The following ARHGEF6 variants were observed in gnomAD, a reference collection of about 807,000 sequenced individuals.
ARHGEF6 encodes rho guanine nucleotide exchange factor 6.
Under a neutral mutation model 70.3 loss-of-function variants are expected in ARHGEF6, and 9 were observed. The observed-to-expected ratio is 0.13, with a 90% CI of 0.08 to 0.22. The LOEUF is 0.22. Ranked by LOEUF, ARHGEF6 falls within the 10% of genes least tolerant of loss-of-function variation. ARHGEF6 has a pLI of 1.00. For missense variants in ARHGEF6, 470 were observed against 563.0 expected (o/e 0.83, Z 1.67); for synonymous variants, 201 against 207.8 (o/e 0.97, Z 0.28).
At chrX:136,715,449 T>C (rs1380923956) in intron 6 of ARHGEF6, among the ~76,000 whole-genome samples, 2 of 111,269 alleles carry the variant, frequency 1.8e-5, no homozygotes, top group Non-Finnish European at 3.8e-5. Flanking sequence ...CATTACTCCA[T>C]CCTAACAGGA....
intron 6 of ARHGEF6, among the ~76,000 whole-genome samples, chrX:136,729,028 C>G (rs1314840662): frequency 3.3e-5 from 3 of 91,942 alleles, no homozygotes; most frequent in African/African-American, 1.2e-4. Flanking sequence ...CTCTCTCTCT[C>G]TCTCTCTCTC....
At chrX:136,774,644 C>A (rs2077388945) in intron 2 of ARHGEF6, among the ~76,000 whole-genome samples, 3 of 59,295 alleles carry the variant, frequency 5.1e-5, no homozygotes, top group African/African-American at 7.6e-5. Context: ...GAGCAAAACT[C>A]TGTCTCAAAA....
intron 6 of ARHGEF6, among the ~76,000 whole-genome samples, chrX:136,720,827 C>T (rs2076788999): frequency 8.9e-6 from 1 of 111,943 alleles, no homozygotes; most frequent in South Asian, 3.7e-4. Context: ...AGTCAATACA[C>T]AAATGTCAAT....
At chrX:136,706,189 G>C (rs1334139473) in intron 9 of ARHGEF6, among the ~76,000 whole-genome samples, 2 of 111,909 alleles carry the variant, frequency 1.8e-5, no homozygotes, top group Non-Finnish European at 3.8e-5. Flanking sequence ...AGGATGGCAG[G>C]AGAGGTGTAA....
intron 11 of ARHGEF6, among the ~76,000 whole-genome samples, chrX:136,686,690 AT>A (rs1400453263): frequency 1.9e-5 from 1 of 53,160 alleles, no homozygotes; most frequent in African/African-American, 7.8e-5. Context: ...ACATATATAT[AT>A]ATACACATAT....
chrX:136,682,742 T>C lies in ARHGEF6; in HGVS notation c.1479+16A>G. On this transcript the variant is annotated intron_variant, in intron 13 of 21. Coordinates refer to ENST00000250617, the MANE Select transcript of ARHGEF6 (RefSeq NM_004840.3). Reference sequence around the variant, plus strand: ...GTTAGGGGGTCTGCTATGTGTTTTATATGAAATTTACTAACCTGATAGATA... The same window carrying C: ...GTTAGGGGGTCTGCTATGTGTTTTACATGAAATTTACTAACCTGATAGATA... 8.4e-7 allele frequency: 1 copy of C among 1,189,253 alleles called. No individual in the cohort carries two copies. Among genetic ancestry groups the C allele is most frequent in the Non-Finnish European group, 1.1e-6 (1 of 875,029 alleles).
At chrX:136,695,658 G>A (rs1440047268) in intron 9 of ARHGEF6, among the ~76,000 whole-genome samples, 1 of 112,239 alleles carries the variant, frequency 8.9e-6, no homozygotes, top group Non-Finnish European at 1.9e-5. Flanking sequence ...TAAGGAATTT[G>A]CCCTTATATT....
intron 3 of ARHGEF6, among the ~76,000 whole-genome samples, chrX:136,746,544 T>C (rs535232793): frequency 8.9e-6 from 1 of 111,845 alleles, no homozygotes; most frequent in Middle Eastern, 4.6e-3. Context: ...CGTGGGTAAG[T>C]TGAGTCTCCT....
At chrX:136,772,135 T>G in intron 2 of ARHGEF6, among the ~76,000 whole-genome samples, 1 of 112,376 alleles carries the variant, frequency 8.9e-6, no homozygotes, top group Admixed American at 9.4e-5. Flanking sequence ...GAGATCATTA[T>G]GTTAAGTGAA....
chrX:136,715,810 G>C (rs756890329), intron 6 of ARHGEF6, among the ~76,000 whole-genome samples: 1 of 112,134 alleles, frequency 8.9e-6, no homozygotes, highest in South Asian at 3.7e-4. Context: ...TTCAGGCAGA[G>C]GGAGGGAAAA....
At chrX:136,767,704 G>T (rs758832461) in intron 2 of ARHGEF6, 5 of 753,193 alleles carry the variant, frequency 6.6e-6, no homozygotes, top group South Asian at 6.8e-5. Flanking sequence ...TACCCGCGCC[G>T]GTCCCCTCCT....
chrX:136,708,383 A>G (rs1362371372), intron 8 of ARHGEF6, among the ~76,000 whole-genome samples: 1 of 100,969 alleles, frequency 9.9e-6, no homozygotes, highest in African/African-American at 3.8e-5. Flanking sequence ...AGGAACATTA[A>G]AAAAAAAAAA....
chrX:136,701,707 T>A (rs1026515349), intron 9 of ARHGEF6, among the ~76,000 whole-genome samples: 1 of 80,404 alleles, frequency 1.2e-5, no homozygotes, highest in Non-Finnish European at 2.7e-5. Context: ...TTTTTCTTTT[T>A]TTTTTTTTTT....
chrX:136,667,583 G>A lies in ARHGEF6; in HGVS notation c.*446C>T. On this transcript the variant is annotated 3_prime_UTR_variant, in exon 22 of 22. Coordinates refer to ENST00000250617, the MANE Select transcript of ARHGEF6 (RefSeq NM_004840.3). Reference sequence around the variant, plus strand: ...CAGGAAAGCCCTGGGGAAAAGTTGGGTTCACATTTAATAAGCCTTGGCCAG... The same window carrying A: ...CAGGAAAGCCCTGGGGAAAAGTTGGATTCACATTTAATAAGCCTTGGCCAG... The A allele has an allele frequency of 6.6e-6, 1 of 150,560 alleles. No individual in the cohort carries two copies. The highest frequency in any genetic ancestry group is 1.3e-5 in the Non-Finnish European group (1 of 77,188). 12.4% of individuals were successfully genotyped at this position (150,560 alleles called of 1,213,427 possible). A position where few individuals can be genotyped will look rare whatever the true frequency, so the allele number is the denominator to read the frequency against.
intron 5 of ARHGEF6, among the ~76,000 whole-genome samples, chrX:136,734,348 G>A (rs1178968375): frequency 9.0e-6 from 1 of 111,115 alleles, no homozygotes. Flanking sequence ...GATATAAAAA[G>A]GATAATAATG....
At position 136,726,060 on chromosome X, in the gene ARHGEF6, A is replaced by G. The variant is rs150224950; in HGVS notation, c.732+6042T>C. Among the ~76,000 whole-genome samples the G allele has an allele frequency of 6.2e-4, 70 of 112,270 alleles. No individual in the cohort carries two copies. The East Asian group carries it at 0.018, about 28-fold the overall frequency. ...ACAGAGATATCTCCAATGATAAAGG[A>G]GACTATAATGGTCTCAGGAAACCTT... On this transcript the variant is annotated intron_variant, in intron 6 of 21. Transcript: ENST00000250617.
At position 136,722,651 on chromosome X, in the gene ARHGEF6, A is replaced by C. The variant is rs776415583; in HGVS notation, c.733-9281T>G. ...GGTTATATTACAAAGAAAAAAAAGCAGACAATAACAAGTGTTGGTGAGGAT... is the reference window on the plus strand; with the variant it reads ...GGTTATATTACAAAGAAAAAAAAGCCGACAATAACAAGTGTTGGTGAGGAT... On this transcript the variant is annotated intron_variant, in intron 6 of 21. Transcript: ENST00000250617. 4.4e-5 allele frequency among the ~76,000 whole-genome samples: 5 copies of C among 112,389 alleles called. No individual in the cohort carries two copies. In the South Asian group the frequency reaches 1.5e-3, roughly 33 times the overall value.
intron 9 of ARHGEF6, among the ~76,000 whole-genome samples, chrX:136,700,880 G>T (rs2076564170): frequency 8.9e-6 from 1 of 112,256 alleles, no homozygotes; most frequent in South Asian, 3.6e-4. Flanking sequence ...AACAGATAAA[G>T]ATAGACAACA....
At chrX:136,740,902 G>A (rs930105990) in intron 5 of ARHGEF6, among the ~76,000 whole-genome samples, 2 of 111,645 alleles carry the variant, frequency 1.8e-5, no homozygotes, top group South Asian at 3.7e-4. Context: ...AAATTATATC[G>A]ATTGAAAGAT....
Sources: gnomAD v4.1 joint callset for allele counts (sites outside exome capture counted in the v4.1 genomes callset) on GRCh38, gnomAD v4.1.1 for gene constraint, MANE v1.5 for transcripts, NCBI Gene and HGNC (gene_info 2026-07-23, HGNC 2026-07-21) for gene names.